Variants in CLTCL1 observed in about 807,000 individuals in gnomAD.
The protein encoded by CLTCL1 is clathrin heavy chain like 1.
In CLTCL1, 159 loss-of-function variants were observed where a neutral mutation model predicts 190.0. The observed-to-expected ratio is 0.84, with a 90% confidence interval of 0.74 to 0.95. The LOEUF (loss-of-function observed/expected upper bound fraction) is 0.95. CLTCL1 is among the 40% of genes least tolerant of loss of function. The pLI, the probability that CLTCL1 is intolerant of heterozygous loss-of-function variation, is 0.00. For missense variants in CLTCL1, 1,878 were observed against 2,033.4 expected (o/e 0.92, Z 1.47); for synonymous variants, 752 against 769.6 (o/e 0.98, Z 0.38).
At chr22:19,269,048 C>T (rs2087214988) in intron 2 of CLTCL1, among the ~76,000 whole-genome samples, 1 of 150,666 alleles carries the variant, frequency 6.6e-6, no homozygotes, top group African/African-American at 2.4e-5. Context: ...CGCGATAGCG[C>T]CACTGCACTC....
rs782034570 is a variant in CLTCL1 at position 19,235,752 on chromosome 22, C to A, written c.913G>T (p.Val305Phe). The change falls in exon 6 of 33, where the codon GTC (valine) becomes TTC (phenylalanine). Residue 305 changes from valine to phenylalanine, a missense_variant. Physicochemically the swap from Val to Phe is conservative, Grantham distance 50. Coordinates refer to ENST00000427926, the MANE Select transcript of CLTCL1 (RefSeq NM_007098.4). ...MNRISADTIF[V>F]TAPHKPTSGI... Reference sequence around the variant, plus strand: ...GAGGTTGGTTTGTGTGGAGCAGTGACAAATATTGTGTCAGCACTAATACGG... The same window carrying A: ...GAGGTTGGTTTGTGTGGAGCAGTGAAAAATATTGTGTCAGCACTAATACGG... 4 of 1,613,934 alleles carry A rather than the reference C, an allele frequency of 2.5e-6. No individual in the cohort carries two copies. The highest frequency in any genetic ancestry group is 3.4e-6 in the Non-Finnish European group (4 of 1,179,882).
intron 2 of CLTCL1, chr22:19,258,032 G>T: frequency 2.0e-6 from 1 of 493,098 alleles, no homozygotes; most frequent in South Asian, 1.5e-5. Flanking sequence ...GTATGAGACA[G>T]AGCTGGCCAT....
At chr22:19,250,193 G>T in intron 3 of CLTCL1, among the ~76,000 whole-genome samples, 1 of 152,168 alleles carries the variant, frequency 6.6e-6, no homozygotes, top group African/African-American at 2.4e-5. Flanking sequence ...GGTGGAGGTT[G>T]CAGTGAGCTG....
rs373849568 is a variant in CLTCL1 at position 19,275,690 on chromosome 22, C to T, written c.183G>A (p.Pro61=). ...TCTCTGCAGAGATAGGCCGTCGGAT[C>T]GGAGCCATTGGGTCACTCATGTCAA... is the stretch of plus-strand genomic sequence containing the variant. ...TIIDMSDPMA[P]IRRPISAESA... is the part of the protein sequence containing the mutation. The change falls in exon 2 of 33, where the codon CCG becomes CCA. Residue 61 remains proline (P), a synonymous_variant. Coordinates refer to ENST00000427926, the MANE Select transcript of CLTCL1 (RefSeq NM_007098.4). 3.4e-5 allele frequency: 54 copies of T among 1,606,114 alleles called. No homozygotes were observed. The highest frequency in any genetic ancestry group is 9.4e-5 in the African/African-American group (7 of 74,830).
rs782757082 is a variant in CLTCL1 at position 19,196,662 on chromosome 22, A to C, written c.3874-6T>G. On this transcript the variant is annotated splice_region_variant and splice_polypyrimidine_tract_variant and intron_variant, in intron 24 of 32. Coordinates refer to ENST00000427926, the MANE Select transcript of CLTCL1 (RefSeq NM_007098.4). ...TCCTCAAAGTAGCCACGATCCTAGC[A>C]GACCAACAGCCACGCGTGGGGCAGA... The C allele has an allele frequency of 2.5e-6, 4 of 1,611,038 alleles. No homozygotes were observed. The highest frequency in any genetic ancestry group is 3.4e-6 in the Non-Finnish European group (4 of 1,178,372).
At position 19,198,901 on chromosome 22, in the gene CLTCL1, T is replaced by C. The variant is rs1316800775; in HGVS notation, c.3873+833A>G. On this transcript the variant is annotated intron_variant, in intron 24 of 32. Transcript: ENST00000427926. This position sits in a 1 kb window ranked among gnomAD's most constrained non-coding sequence, Gnocchi z 4.1. ...AAGATTTGCTGACTAAATTGTTCTT[T>C]TGTCAGCCCTGTACTGCTTGATCAC... 2.0e-5 allele frequency among the ~76,000 whole-genome samples: 3 copies of C among 152,200 alleles called. No individual in the cohort carries two copies. Among genetic ancestry groups the C allele is most frequent in the Admixed American group, 2.0e-4 (3 of 15,282 alleles).
rs2084107146 is a variant in CLTCL1, at chr22:19,180,740, GA to G, written c.4893del (p.Leu1632SerfsTer61). On this transcript the variant is annotated frameshift_variant, in exon 31 of 33. Transcript: ENST00000427926. LOFTEE classifies it high-confidence loss of function. ...TACAGGTGCCACCTACCAAACACGA[GA>G]GGGGCAGGCTCTGTCACATGCTCCT... ...KQEEHVTEPA[P>X]LVFDFDGHE 1.9e-6 allele frequency: 3 copies of G among 1,613,624 alleles called. No homozygotes were observed. In the African/African-American group the frequency reaches 4.0e-5, roughly 22 times the overall value.
At chr22:19,216,305 CTG>C (rs2085384086) in intron 18 of CLTCL1, 49 bp from the exon 19 acceptor site, 1 of 1,587,648 alleles carries the variant, frequency 6.3e-7, no homozygotes, top group Admixed American at 1.7e-5. Flanking sequence ...CAATTCAAGA[CTG>C]TATCTTTGAA....
chr22:19,266,654 C>A (rs1400391326), intron 2 of CLTCL1, among the ~76,000 whole-genome samples: 5 of 151,916 alleles, frequency 3.3e-5, no homozygotes, highest in African/African-American at 1.2e-4. Context: ...AACAGAAAAC[C>A]CTTAGAATAT....
intron 31 of CLTCL1, 47 bp downstream of exon 31, chr22:19,180,684 C>A: frequency 6.3e-7 from 1 of 1,598,532 alleles, no homozygotes; most frequent in Non-Finnish European, 8.6e-7. Context: ...CTTTGACTCC[C>A]TCCCTGCTCC....
At chr22:19,248,754 T>C (rs2086497987) in intron 3 of CLTCL1, among the ~76,000 whole-genome samples, 1 of 152,236 alleles carries the variant, frequency 6.6e-6, no homozygotes, top group Non-Finnish European at 1.5e-5. Context: ...TTCGCCATGT[T>C]GGCCAGGCTG....
intron 28 of CLTCL1, 24 bp downstream of exon 28, chr22:19,187,956 AC>A: frequency 6.3e-7 from 1 of 1,592,774 alleles, no homozygotes; most frequent in Non-Finnish European, 8.6e-7. Context: ...CCCACCCAGG[AC>A]AGGGCTCCTT....
At chr22:19,249,220 G>A (rs939910503) in intron 3 of CLTCL1, among the ~76,000 whole-genome samples, 11 of 152,104 alleles carry the variant, frequency 7.2e-5, no homozygotes, top group African/African-American at 2.2e-4. Flanking sequence ...TTAGCAGTGC[G>A]TGGTGGCACG....
At chr22:19,242,674 C>T in intron 4 of CLTCL1, 101 bp downstream of exon 4, 1 of 1,282,108 alleles carries the variant, frequency 7.8e-7, no homozygotes, top group Non-Finnish European at 1.1e-6. Context: ...AACCTTTCCT[C>T]ACACAGACAT....
intron 2 of CLTCL1, among the ~76,000 whole-genome samples, chr22:19,262,643 A>G (rs1195193613): frequency 6.6e-6 from 1 of 151,420 alleles, no homozygotes; most frequent in Admixed American, 6.6e-5. Context: ...AAAAAAAAAA[A>G]AAAATTGCCA....
intron 2 of CLTCL1, among the ~76,000 whole-genome samples, chr22:19,273,252 T>G (rs2087383439): frequency 6.6e-6 from 1 of 152,172 alleles, no homozygotes; most frequent in South Asian, 2.1e-4. Context: ...TTGTCAACGA[T>G]TTGTACTACA....
intron 29 of CLTCL1, chr22:19,183,865 T>G: frequency 9.7e-6 from 5 of 516,056 alleles, no homozygotes; most frequent in Non-Finnish European, 1.4e-5. Flanking sequence ...ACAGGAACTC[T>G]AGCCCCGAGG....
intron 19 of CLTCL1, 54 bp downstream of exon 19, chr22:19,216,057 A>C: frequency 2.5e-6 from 4 of 1,570,598 alleles, no homozygotes; most frequent in Non-Finnish European, 3.5e-6. Flanking sequence ...GATGAGTATC[A>C]AGCAGATGTT....
chr22:19,251,405 TC>T (rs2086586480), intron 3 of CLTCL1, among the ~76,000 whole-genome samples: 1 of 152,212 alleles, frequency 6.6e-6, no homozygotes, highest in South Asian at 2.1e-4. Context: ...CAAGCTTATG[TC>T]ATCTGCAAAT....
Sources: gnomAD v4.1 joint callset for allele counts (sites outside exome capture counted in the v4.1 genomes callset) on GRCh38, gnomAD v4.1.1 for gene constraint, Gnocchi (gnomAD v3.1) non-coding constraint, MANE v1.5 for transcripts, NCBI Gene and HGNC (gene_info 2026-07-23, HGNC 2026-07-21) for gene names.